RAB7A: variants seen among roughly 807,000 people sequenced by gnomAD.
The protein encoded by RAB7A is ras-related protein Rab-7a.
RAB7A carries 2 observed loss-of-function variants against 24.5 expected under a neutral mutation model. The ratio of observed to expected loss-of-function variants is 0.08; its 90% CI spans 0.03 to 0.26. The LOEUF (loss-of-function observed/expected upper bound fraction) is 0.26. Among genes scored for constraint, RAB7A ranks in the 10% least tolerant of loss-of-function variants. The pLI is 1.00. For synonymous variants in RAB7A, 100 were observed against 95.9 expected (o/e 1.04, Z -0.25); for missense variants, 118 against 255.7 (o/e 0.46, Z 3.67).
At chr3:128,727,585 C>T (rs1396376586) in intron 1 of RAB7A, among the ~76,000 whole-genome samples, 1 of 152,226 alleles carries the variant, frequency 6.6e-6, no homozygotes, top group East Asian at 1.9e-4. Context: ...TGAATACCGG[C>T]AGGGTACTTA....
intron 1 of RAB7A, among the ~76,000 whole-genome samples, chr3:128,776,198 G>C (rs1246131123): frequency 6.6e-6 from 1 of 151,914 alleles, no homozygotes; most frequent in South Asian, 2.1e-4. Context: ...GTTCATCCTC[G>C]TTGTGGCAAA....
chr3:128,727,399 G>A (rs1322549454), intron 1 of RAB7A, among the ~76,000 whole-genome samples: 1 of 151,864 alleles, frequency 6.6e-6, no homozygotes, highest in Non-Finnish European at 1.5e-5. Context: ...AAGCTTGCTG[G>A]TTTATCTTTT....
intron 3 of RAB7A, among the ~76,000 whole-genome samples, chr3:128,802,363 G>C (rs565065235): frequency 1.3e-5 from 2 of 152,270 alleles, no homozygotes; most frequent in East Asian, 1.9e-4. Flanking sequence ...AGTTTATTGT[G>C]AGTTTGTGGT....
intron 1 of RAB7A, among the ~76,000 whole-genome samples, chr3:128,732,324 C>T (rs2070447234): frequency 6.6e-6 from 1 of 151,840 alleles, no homozygotes. Context: ...AGGCGTGAAC[C>T]ACCACGCCTG....
chr3:128,776,179 G>A (rs780093275), intron 1 of RAB7A, among the ~76,000 whole-genome samples: 2 of 152,060 alleles, frequency 1.3e-5, no homozygotes, highest in Non-Finnish European at 2.9e-5. Flanking sequence ...TAAATGTAAT[G>A]TTCTCCAGGT....
At chr3:128,762,598 AGTTAC>A (rs1559785914) in intron 1 of RAB7A, among the ~76,000 whole-genome samples, 1 of 152,048 alleles carries the variant, frequency 6.6e-6, no homozygotes, top group Non-Finnish European at 1.5e-5. Flanking sequence ...ATGGGGTGAG[AGTTAC>A]TGGTCAGACA....
At chr3:128,772,423 T>C (rs1006878483) in intron 1 of RAB7A, among the ~76,000 whole-genome samples, 1 of 152,236 alleles carries the variant, frequency 6.6e-6, no homozygotes, top group African/African-American at 2.4e-5. Context: ...CGTTTTTTTT[T>C]CTTCCATAAC....
chr3:128,780,898 TC>T (rs1197843590), intron 1 of RAB7A, among the ~76,000 whole-genome samples: 1 of 152,198 alleles, frequency 6.6e-6, no homozygotes. Flanking sequence ...GCTTTGTTTT[TC>T]TTCTAACAAA....
intron 2 of RAB7A, among the ~76,000 whole-genome samples, chr3:128,795,746 A>G (rs1449604235): frequency 5.4e-5 from 1 of 18,458 alleles, no homozygotes; most frequent in Admixed American, 7.5e-4. Flanking sequence ...GGCGTAGCAG[A>G]TGTGCTTTTT....
At chr3:128,741,843 T>A (rs1388606232) in intron 1 of RAB7A, among the ~76,000 whole-genome samples, 1 of 152,114 alleles carries the variant, frequency 6.6e-6, no homozygotes, top group East Asian at 1.9e-4. Flanking sequence ...AGACAGGGCA[T>A]TGCTCTGTCA....
intron 1 of RAB7A, among the ~76,000 whole-genome samples, chr3:128,774,033 C>A (rs1576288857): frequency 6.7e-6 from 1 of 148,414 alleles, no homozygotes. Context: ...TGTCCTATGA[C>A]CCTGCCAAAT....
rs71153145 is a variant in RAB7A at position 128,776,945 on chromosome 3, T to TACACACACAC, written c.-8-18382_-8-18373dup. ...GCATTTCCCTGATGATTAGTTGAGCTACACACACACACACACACACACACA... is the reference window on the plus strand; with the variant it reads ...GCATTTCCCTGATGATTAGTTGAGCTACACACACACACACACACACACACACACACACACA... On this transcript the variant is annotated intron_variant, in intron 1 of 5. Coordinates refer to ENST00000265062, the MANE Select transcript of RAB7A (RefSeq NM_004637.6). 2.6e-3 allele frequency among the ~76,000 whole-genome samples: 370 copies of TACACACACAC among 142,448 alleles called. 1 individual carries two copies. The highest frequency in any genetic ancestry group is 0.011 in the Middle Eastern group (3 of 272). 93.5% of individuals were successfully genotyped at this position (142,448 alleles called of 152,430 possible).
chr3:128,796,515 T>G (rs757647275), intron 2 of RAB7A, among the ~76,000 whole-genome samples: 5 of 152,186 alleles, frequency 3.3e-5, no homozygotes, highest in Non-Finnish European at 4.4e-5. Flanking sequence ...CCATGAAAGC[T>G]TTGACTCATT....
intron 1 of RAB7A, among the ~76,000 whole-genome samples, chr3:128,794,696 C>T (rs1286133526): frequency 1.3e-5 from 2 of 152,092 alleles, no homozygotes; most frequent in African/African-American, 4.8e-5. Flanking sequence ...GCATTTTTCA[C>T]ATCTTCTGGT....
chr3:128,752,250 C>A (rs374112098), intron 1 of RAB7A, among the ~76,000 whole-genome samples: 4 of 151,990 alleles, frequency 2.6e-5, no homozygotes, highest in Admixed American at 2.0e-4. Context: ...ACTGACTACA[C>A]TAACAGTGAT....
chr3:128,752,518 T>G (rs2070696472), intron 1 of RAB7A, among the ~76,000 whole-genome samples: 1 of 151,840 alleles, frequency 6.6e-6, no homozygotes, highest in Non-Finnish European at 1.5e-5. Flanking sequence ...ACACTACACA[T>G]GAGGAAACAA....
chr3:128,728,560 T>C (rs2070402974), intron 1 of RAB7A, among the ~76,000 whole-genome samples: 1 of 152,174 alleles, frequency 6.6e-6, no homozygotes, highest in Non-Finnish European at 1.5e-5. Flanking sequence ...CCTCCCGGGT[T>C]CAAGCCATTC....
intron 1 of RAB7A, among the ~76,000 whole-genome samples, chr3:128,771,322 C>T (rs1932928403): frequency 1.3e-5 from 2 of 152,156 alleles, no homozygotes; most frequent in African/African-American, 4.8e-5. Flanking sequence ...TTGGGGGGCT[C>T]ATCTTCAAGA....
At chr3:128,785,322 A>T (rs1933315030) in intron 1 of RAB7A, 4 of 152,250 alleles carry the variant, frequency 2.6e-5, no homozygotes, top group Admixed American at 2.0e-4. Flanking sequence ...TTGCCCAGGG[A>T]GGGTGAACCG....
Sources: gnomAD v4.1 joint callset for allele counts (sites outside exome capture counted in the v4.1 genomes callset) on GRCh38, gnomAD v4.1.1 for gene constraint, MANE v1.5 for transcripts, NCBI Gene and HGNC (gene_info 2026-07-23, HGNC 2026-07-21) for gene names.